Variants in UNC13A observed in about 807,000 individuals in gnomAD.
UNC13A encodes unc-13 homolog A.
In UNC13A, 61 loss-of-function variants were observed where a neutral mutation model predicts 219.7. The ratio of observed to expected loss-of-function variants is 0.28; its 90% CI spans 0.23 to 0.34. The LOEUF is 0.34. UNC13A is among the 10% of genes least tolerant of loss of function. The probability of loss-of-function intolerance (pLI) is 1.00; values close to 1 mark genes in which losing one functional copy is unlikely to be tolerated. For missense variants in UNC13A, 1,476 were observed against 2,270.3 expected (o/e 0.65, Z 7.11); for synonymous variants, 920 against 884.6 (o/e 1.04, Z -0.71).
chr19:17,607,876 CTTTT>C (rs58683080), intron 43 of UNC13A, among the ~76,000 whole-genome samples: 1 of 96,282 alleles, frequency 1.0e-5, no homozygotes, highest in Non-Finnish European at 2.0e-5. Flanking sequence ...CGTGAACAGA[CTTTT>C]TTTTTTTTTT....
intron 1 of UNC13A, among the ~76,000 whole-genome samples, chr19:17,683,660 A>AAAACAAACAAAC (rs151027580): frequency 0.016 from 2,410 of 152,052 alleles, 70 homozygotes; most frequent in African/African-American, 0.054. Flanking sequence ...CGTGTCTCAA[A>AAAACAAACAAAC]AAACAAACAA....
At chr19:17,650,085 G>A (rs912773720) in intron 12 of UNC13A, among the ~76,000 whole-genome samples, 2 of 152,116 alleles carry the variant, frequency 1.3e-5, no homozygotes, top group African/African-American at 4.8e-5. Flanking sequence ...ACCCGTCTGT[G>A]GTACTTTGTG....
At chr19:17,645,095 G>A (rs138840075) in intron 19 of UNC13A, among the ~76,000 whole-genome samples, 2,012 of 143,358 alleles carry the variant, frequency 0.014, 49 homozygotes, top group African/African-American at 0.05. Context: ...TGCAACCTCC[G>A]CTTCCTGGGT....
At position 17,605,827 on chromosome 19, in the gene UNC13A, T is replaced by G. The variant is rs899648496; in HGVS notation, c.*227A>C. 2.2e-6 allele frequency: 1 copy of G among 463,864 alleles called. No homozygotes were observed. Among genetic ancestry groups the G allele is most frequent in the Non-Finnish European group, 3.7e-6 (1 of 271,138 alleles). The allele number at this position is 463,864 out of a possible 1,614,324, so 28.7% of individuals were successfully genotyped here. ...CGTGGCCTCAAGTTGGGGATGTGGC[T>G]CCTTCCTTCGTCGCGCCCTTGGGCG... On this transcript the variant is annotated 3_prime_UTR_variant, in exon 44 of 44. Transcript: ENST00000519716.
At chr19:17,660,535 GTT>G (rs11383230) in intron 8 of UNC13A, among the ~76,000 whole-genome samples, 1 of 139,664 alleles carries the variant, frequency 7.2e-6, no homozygotes, top group African/African-American at 2.7e-5. Flanking sequence ...TGGTTTTTGG[GTT>G]TTTTTTTTTT....
At chr19:17,643,022 T>G (rs2145049002) in intron 19 of UNC13A, 62 bp from the exon 20 acceptor site, 1 of 1,452,592 alleles carries the variant, frequency 6.9e-7, no homozygotes, top group African/African-American at 1.4e-5. Flanking sequence ...GCAATTTTTT[T>G]TTTTTTAAGA....
At chr19:17,669,781 CAA>C (rs1210818676) in intron 4 of UNC13A, 105 bp from the exon 5 acceptor site, 2 of 1,339,580 alleles carry the variant, frequency 1.5e-6, no homozygotes, top group African/African-American at 2.9e-5. Context: ...ACCCCAAAAC[CAA>C]AGTCATGTCC....
At chr19:17,672,622 G>A (rs898538793) in intron 3 of UNC13A, 127 bp from the exon 4 acceptor site, 2 of 661,900 alleles carry the variant, frequency 3.0e-6, no homozygotes, top group Non-Finnish European at 5.0e-6. Flanking sequence ...GAGTGTCCTA[G>A]GTGGTAGGGT....
At chr19:17,684,917 T>A (rs969394722) in intron 1 of UNC13A, among the ~76,000 whole-genome samples, 1 of 152,216 alleles carries the variant, frequency 6.6e-6, no homozygotes, top group African/African-American at 2.4e-5. Context: ...CACATATTGA[T>A]GTTTGCATGT....
rs1274592954 is a variant in UNC13A, at chr19:17,641,568, G to A, written c.2473-12C>T. On this transcript the variant is annotated splice_polypyrimidine_tract_variant and intron_variant, in intron 20 of 43. Coordinates refer to ENST00000519716, the MANE Select transcript of UNC13A (RefSeq NM_001080421.3). Reference sequence around the variant, plus strand: ...AAGTGGAACAGGTTCTGCCACCATGGGAGAGAAAGTGTCATGGAGAGTGCA... The same window carrying A: ...AAGTGGAACAGGTTCTGCCACCATGAGAGAGAAAGTGTCATGGAGAGTGCA... 2 of 1,613,696 alleles carry A rather than the reference G, an allele frequency of 1.2e-6. No individual in the cohort carries two copies. Among genetic ancestry groups the A allele is most frequent in the Non-Finnish European group, 1.7e-6 (2 of 1,179,730 alleles).
At chr19:17,656,917 C>T (rs932310585) in intron 9 of UNC13A, among the ~76,000 whole-genome samples, 9 of 150,894 alleles carry the variant, frequency 6.0e-5, no homozygotes, top group African/African-American at 2.0e-4. Flanking sequence ...GGGGAACAGG[C>T]AATTGACTGT....
intron 2 of UNC13A, 55 bp downstream of exon 2, chr19:17,675,957 G>GA: frequency 1.3e-6 from 2 of 1,514,364 alleles, no homozygotes; most frequent in Non-Finnish European, 1.8e-6. Flanking sequence ...GTCTCTCCAA[G>GA]AGACAGACAG....
intron 1 of UNC13A, among the ~76,000 whole-genome samples, chr19:17,681,058 C>T (rs1337849169): frequency 7.3e-6 from 1 of 137,548 alleles, no homozygotes; most frequent in Non-Finnish European, 1.5e-5. Flanking sequence ...CATCACCATG[C>T]TTGGCTATTC....
In UNC13A at chr19:17,646,041, G is replaced by A. The variant is rs372628249; in HGVS notation, c.2115C>T (p.Val705=). The change falls in exon 18 of 44, where the codon GTC becomes GTT. Residue 705 remains valine (V), a synonymous_variant. Coordinates refer to ENST00000519716, the MANE Select transcript of UNC13A (RefSeq NM_001080421.3). ...TTTTTGTCCGTTTCTTGGTCTTCCC[G>A]ACCTGGACGGTGACATAGGGGTCAC... ...GSSDPYVTVQ[V]GKTKKRTKTI... 4.5e-5 allele frequency: 73 copies of A among 1,613,796 alleles called. No individual in the cohort carries two copies. Among genetic ancestry groups the A allele is most frequent in the African/African-American group, 9.3e-5 (7 of 75,026 alleles).
At chr19:17,631,698 A>G (rs1396081791) in intron 28 of UNC13A, among the ~76,000 whole-genome samples, 8 of 152,144 alleles carry the variant, frequency 5.3e-5, no homozygotes, top group African/African-American at 1.9e-4. Context: ...ACTGGGAGTC[A>G]CCGTGGGCAA....
chr19:17,630,585 G>A (rs1001595911), intron 29 of UNC13A, 69 bp downstream of exon 29: 9 of 1,550,462 alleles, frequency 5.8e-6, no homozygotes, highest in African/African-American at 4.1e-5. Flanking sequence ...CTCATCTCAA[G>A]GGCAAATTTC....
chr19:17,674,632 G>T lies in UNC13A; in HGVS notation c.152+25C>A. 1 of 1,607,884 alleles carries T rather than the reference G, an allele frequency of 6.2e-7. No homozygotes were observed. Among genetic ancestry groups the T allele is most frequent in the Non-Finnish European group, 8.5e-7 (1 of 1,175,100 alleles). ...GTGCTGGGCTATGCCAGGGAGTGAG[G>T]TCATGCCAGACGCTGCAGACTCACA... is the stretch of plus-strand genomic sequence containing the variant. On this transcript the variant is annotated intron_variant, in intron 3 of 43. Transcript: ENST00000519716. The surrounding 1 kb of genome is among the most constrained non-coding windows in gnomAD (Gnocchi z 5.0).
chr19:17,677,473 C>T (rs954553824), intron 1 of UNC13A, among the ~76,000 whole-genome samples: 4 of 151,988 alleles, frequency 2.6e-5, no homozygotes, highest in Admixed American at 1.3e-4. Context: ...AAGCAATTCT[C>T]CTGCCTCAGC....
intron 43 of UNC13A, 68 bp from the exon 44 acceptor site, chr19:17,606,422 C>A: frequency 6.6e-7 from 1 of 1,509,310 alleles, no homozygotes. Context: ...CGGCCCCGTC[C>A]CCACCGCATT....
Sources: gnomAD v4.1 joint callset for allele counts (sites outside exome capture counted in the v4.1 genomes callset) on GRCh38, gnomAD v4.1.1 for gene constraint, Gnocchi (gnomAD v3.1) non-coding constraint, MANE v1.5 for transcripts, NCBI Gene and HGNC (gene_info 2026-07-23, HGNC 2026-07-21) for gene names.